Variants in PRKD1 observed in about 807,000 individuals in gnomAD.
PRKD1 encodes serine/threonine-protein kinase D1.
PRKD1 carries 63 observed loss-of-function variants against 95.9 expected under a neutral mutation model. That is an observed-to-expected ratio of 0.66 (90% CI 0.54 to 0.81). The LOEUF (loss-of-function observed/expected upper bound fraction) is 0.81. Ranked by LOEUF, PRKD1 falls within the 30% of genes least tolerant of loss-of-function variation. The probability of loss-of-function intolerance (pLI) is 0.00; values close to 1 mark genes in which losing one functional copy is unlikely to be tolerated. For missense variants in PRKD1, 1,048 were observed against 1,165.3 expected, an observed-to-expected ratio of 0.90 and a Z score of 1.47; for synonymous variants, 425 against 423.1, an observed-to-expected ratio of 1.00 and a Z score of -0.05.
rs141755236 is a variant in PRKD1 at position 29,812,789 on chromosome 14, C to T, written c.265-87115G>A. On this transcript the variant is annotated intron_variant, in intron 1 of 17. Transcript: ENST00000331968. ...TTTGGGTGGGGACACAGAGCCAAAC[C>T]ATATCAGTTATATTTTTTGTTAAAA... Among the ~76,000 whole-genome samples the T allele has an allele frequency of 2.3e-3, 348 of 152,262 alleles. 2 individuals are homozygous for T. The highest frequency in any genetic ancestry group is 3.6e-3 in the Non-Finnish European group (243 of 68,012).
At chr14:29,716,665 T>C (rs535190623) in intron 2 of PRKD1, among the ~76,000 whole-genome samples, 2 of 152,220 alleles carry the variant, frequency 1.3e-5, no homozygotes, top group Admixed American at 6.5e-5. Flanking sequence ...GAGATGAGTA[T>C]TGGGGGGTAC....
At chr14:29,674,850 C>T (rs991658890) in intron 2 of PRKD1, among the ~76,000 whole-genome samples, 1 of 152,154 alleles carries the variant, frequency 6.6e-6, no homozygotes, top group Non-Finnish European at 1.5e-5. Context: ...TTGTCAAATA[C>T]AATACATTTG....
intron 9 of PRKD1, among the ~76,000 whole-genome samples, chr14:29,632,485 A>G (rs1318186418): frequency 6.6e-6 from 1 of 152,084 alleles, no homozygotes; most frequent in Non-Finnish European, 1.5e-5. Context: ...GAAATCATAC[A>G]ATGTTTCTTC....
In PRKD1 at chr14:29,747,068, C is replaced by T. The variant is rs1887258928; in HGVS notation, c.265-21394G>A. ...ACGTTATATTAAAAATTTACAAATC[C>T]TTAGGATGTTCCTAACCCAAAGAAA... is the stretch of plus-strand genomic sequence containing the variant. On this transcript the variant is annotated intron_variant, in intron 1 of 17. Transcript: ENST00000331968. Among the ~76,000 whole-genome samples, 7 of 152,006 alleles carry T rather than the reference C, an allele frequency of 4.6e-5. No individual in the cohort carries two copies. In the South Asian group the frequency reaches 1.5e-3, roughly 32 times the overall value.
At chr14:29,850,505 A>T (rs569247966) in intron 1 of PRKD1, among the ~76,000 whole-genome samples, 2 of 151,706 alleles carry the variant, frequency 1.3e-5, no homozygotes, top group South Asian at 4.2e-4. Context: ...CACAGTACCT[A>T]GGAATACATC....
intron 17 of PRKD1, 132 bp downstream of exon 17, chr14:29,578,143 T>C (rs1892625791): frequency 4.3e-6 from 3 of 703,638 alleles, no homozygotes; most frequent in East Asian, 5.6e-5. Context: ...TGAAGTTGCA[T>C]GCATTTGAGC....
At chr14:29,770,626 T>G (rs1213956074) in intron 1 of PRKD1, among the ~76,000 whole-genome samples, 1 of 152,118 alleles carries the variant, frequency 6.6e-6, no homozygotes, top group African/African-American at 2.4e-5. Context: ...GGTATTTTTG[T>G]GTGAAGTAGA....
At chr14:29,611,658 C>G (rs1223659046) in intron 13 of PRKD1, among the ~76,000 whole-genome samples, 2 of 149,780 alleles carry the variant, frequency 1.3e-5, no homozygotes, top group Non-Finnish European at 3.0e-5. Flanking sequence ...TACAGACATT[C>G]TGTTCTTCAA....
At chr14:29,876,206 TG>T (rs1233432055) in intron 1 of PRKD1, among the ~76,000 whole-genome samples, 2 of 152,252 alleles carry the variant, frequency 1.3e-5, no homozygotes, top group Non-Finnish European at 2.9e-5. Flanking sequence ...TCAGTGTCCC[TG>T]CTTGTAAAAC....
chr14:29,666,336 C>A (rs1882506712), intron 2 of PRKD1, 128 bp from the exon 3 acceptor site: 1 of 975,626 alleles, frequency 1.0e-6, no homozygotes, highest in South Asian at 2.9e-5. Flanking sequence ...AGATAAGATG[C>A]AACACAGCTT....
At chr14:29,854,899 C>G (rs536366360) in intron 1 of PRKD1, among the ~76,000 whole-genome samples, 2 of 152,280 alleles carry the variant, frequency 1.3e-5, no homozygotes, top group Admixed American at 1.3e-4. Context: ...GGTTGAAGCC[C>G]CAAGTCTTGG....
At chr14:29,778,184 G>C (rs1888863044) in intron 1 of PRKD1, among the ~76,000 whole-genome samples, 1 of 152,104 alleles carries the variant, frequency 6.6e-6, no homozygotes, top group Admixed American at 6.5e-5. Context: ...ACAGAAAGCA[G>C]GAAATATCTA....
chr14:29,659,501 G>C (rs1882074103), intron 4 of PRKD1, among the ~76,000 whole-genome samples: 2 of 152,110 alleles, frequency 1.3e-5, no homozygotes, highest in Non-Finnish European at 2.9e-5. Context: ...GAACTGATGT[G>C]TCACACCATA....
chr14:29,879,554 G>A (rs560275379), intron 1 of PRKD1, among the ~76,000 whole-genome samples: 1 of 152,248 alleles, frequency 6.6e-6, no homozygotes, highest in Admixed American at 6.5e-5. Context: ...CATGAAAACA[G>A]AATAATACAC....
intron 1 of PRKD1, among the ~76,000 whole-genome samples, chr14:29,890,399 C>A (rs75835228): frequency 0.011 from 1,642 of 152,210 alleles, 34 homozygotes; most frequent in African/African-American, 0.037. Flanking sequence ...GCAAGGGAAT[C>A]CTCAATTCTT....
chr14:29,921,390 G>A (rs956456350), intron 1 of PRKD1, among the ~76,000 whole-genome samples: 1 of 151,286 alleles, frequency 6.6e-6, no homozygotes, highest in Non-Finnish European at 1.5e-5. Flanking sequence ...ATTGATATAA[G>A]AATAAGATAA....
intron 1 of PRKD1, among the ~76,000 whole-genome samples, chr14:29,925,614 T>C (rs1266147189): frequency 2.0e-5 from 3 of 152,004 alleles, no homozygotes; most frequent in African/African-American, 7.3e-5. Context: ...TAGGCATCAG[T>C]CTCCCCATTC....
rs1775012449 is a variant in PRKD1, at chr14:29,577,469, T to C, written c.2521-13A>G. On this transcript the variant is annotated splice_polypyrimidine_tract_variant and intron_variant, in intron 17 of 17. Transcript: ENST00000331968. ...AGGTCTGATAGTCCTGAAGAAGAAA[T>C]TCCAAAATATTACCATAGAGATCAT... 2 of 1,604,856 alleles carry C rather than the reference T, an allele frequency of 1.2e-6. No homozygotes were observed. Among genetic ancestry groups the C allele is most frequent in the Non-Finnish European group, 1.7e-6 (2 of 1,172,134 alleles).
intron 2 of PRKD1, among the ~76,000 whole-genome samples, chr14:29,699,448 A>G (rs1884713884): frequency 6.6e-6 from 1 of 152,062 alleles, no homozygotes; most frequent in Non-Finnish European, 1.5e-5. Flanking sequence ...TTGTATTCAC[A>G]TATTTTTAGT....
Sources: gnomAD v4.1 joint callset for allele counts (sites outside exome capture counted in the v4.1 genomes callset) on GRCh38, gnomAD v4.1.1 for gene constraint, MANE v1.5 for transcripts, NCBI Gene and HGNC (gene_info 2026-07-23, HGNC 2026-07-21) for gene names.